Variants in WWTR1 observed in about 807,000 individuals in gnomAD.
The protein encoded by WWTR1 is WW domain-containing transcription regulator protein 1.
In WWTR1, 13 loss-of-function variants were observed where a neutral mutation model predicts 40.1. That is an observed-to-expected ratio of 0.32 (90% CI 0.21 to 0.52). The LOEUF is 0.52. Among genes scored for constraint, WWTR1 ranks in the 20% least tolerant of loss-of-function variants. The probability of loss-of-function intolerance (pLI) is 0.97; values close to 1 mark genes in which losing one functional copy is unlikely to be tolerated. For missense variants in WWTR1, 436 were observed against 523.1 expected (o/e 0.83, Z 1.63); for synonymous variants, 230 against 210.1 (o/e 1.09, Z -0.82).
chr3:149,626,688 G>A (rs567921636), intron 2 of WWTR1, among the ~76,000 whole-genome samples: 97 of 151,904 alleles, frequency 6.4e-4, no homozygotes, highest in Middle Eastern at 3.4e-3. Context: ...ATCTTCCCAC[G>A]AGGACTACAA....
chr3:149,531,048 C>T (rs1735552399), intron 4 of WWTR1, among the ~76,000 whole-genome samples: 1 of 151,774 alleles, frequency 6.6e-6, no homozygotes, highest in African/African-American at 2.4e-5. Context: ...AAGTCTTGTG[C>T]CTCAGCCTCC....
chr3:149,541,604 C>T (rs974818239), intron 4 of WWTR1, among the ~76,000 whole-genome samples: 5 of 148,318 alleles, frequency 3.4e-5, no homozygotes, highest in Admixed American at 1.4e-4. Context: ...GCTTGAATCT[C>T]GGGGGGTTCT....
chr3:149,684,603 A>C (rs1180441870), intron 1 of WWTR1, among the ~76,000 whole-genome samples: 2 of 149,356 alleles, frequency 1.3e-5, no homozygotes, highest in Non-Finnish European at 3.0e-5. Context: ...TCACTCTGTC[A>C]CCCAGGCTGG....
At chr3:149,668,116 T>A (rs1343267604) in intron 2 of WWTR1, among the ~76,000 whole-genome samples, 1 of 152,174 alleles carries the variant, frequency 6.6e-6, no homozygotes, top group Non-Finnish European at 1.5e-5. Flanking sequence ...TAATACTGGT[T>A]AATGGCTTTT....
rs1740137020 is a variant in WWTR1 at position 149,618,987 on chromosome 3, T to G, written c.431+37889A>C. 3.3e-5 allele frequency among the ~76,000 whole-genome samples: 5 copies of G among 152,332 alleles called. No individual in the cohort carries two copies. The South Asian group carries it at 1.0e-3, about 32-fold the overall frequency. ...TCAACCCAGAGATATCCAGGCTGCT[T>G]GCCAAACAAGGAAATCCAAGATAAA... On this transcript the variant is annotated intron_variant, in intron 2 of 6. Coordinates refer to ENST00000360632, the MANE Select transcript of WWTR1 (RefSeq NM_015472.6).
upstream of WWTR1, among the ~76,000 whole-genome samples, chr3:149,707,986 T>C (rs4681549): frequency 0.32 from 48,129 of 151,000 alleles, 8,463 homozygotes; most frequent in Middle Eastern, 0.52. Flanking sequence ...GTCCTCTGCC[T>C]GATTCCTTTG....
intron 2 of WWTR1, among the ~76,000 whole-genome samples, chr3:149,634,085 A>C (rs913820580): frequency 1.3e-5 from 2 of 152,158 alleles, no homozygotes; most frequent in Non-Finnish European, 2.9e-5. Flanking sequence ...ATGGAGAAAG[A>C]GGAAGGAAAG....
At chr3:149,610,255 C>G (rs1209122414) in intron 2 of WWTR1, among the ~76,000 whole-genome samples, 1 of 152,158 alleles carries the variant, frequency 6.6e-6, no homozygotes, top group Non-Finnish European at 1.5e-5. Context: ...AAATTCATAC[C>G]TGCTCAGTGT....
At chr3:149,574,527 G>T (rs187667131) in intron 2 of WWTR1, among the ~76,000 whole-genome samples, 1 of 152,062 alleles carries the variant, frequency 6.6e-6, no homozygotes, top group Non-Finnish European at 1.5e-5. Flanking sequence ...CCTCACTTTT[G>T]AATAACAATG....
intron 3 of WWTR1, among the ~76,000 whole-genome samples, chr3:149,559,699 T>C (rs1737003768): frequency 6.6e-6 from 1 of 152,230 alleles, no homozygotes; most frequent in Admixed American, 6.5e-5. Context: ...CATTGTTCTG[T>C]GGCACTGTTG....
At chr3:149,626,793 A>C (rs1740564479) in intron 2 of WWTR1, among the ~76,000 whole-genome samples, 2 of 152,174 alleles carry the variant, frequency 1.3e-5, no homozygotes, top group Admixed American at 6.5e-5. Context: ...GAATAGTATC[A>C]AAAACAAGGT....
intron 1 of WWTR1, 93 bp downstream of exon 1, chr3:149,657,672 A>G (rs1044662837): frequency 1.0e-5 from 2 of 197,508 alleles, no homozygotes; most frequent in South Asian, 1.1e-4. Context: ...GTTCAGCCCG[A>G]GCCAACTCCA....
chr3:149,620,296 C>T (rs542892166), intron 2 of WWTR1, among the ~76,000 whole-genome samples: 1 of 152,254 alleles, frequency 6.6e-6, no homozygotes, highest in East Asian at 1.9e-4. Context: ...AAACAGAGGT[C>T]ATGGACACCC....
intron 2 of WWTR1, among the ~76,000 whole-genome samples, chr3:149,597,286 C>A (rs1365382794): frequency 6.6e-6 from 1 of 151,896 alleles, no homozygotes. Context: ...ATTCTCTATG[C>A]CTTAAGGATC....
intron 3 of WWTR1, among the ~76,000 whole-genome samples, chr3:149,569,889 G>A (rs749258033): frequency 1.3e-5 from 2 of 152,076 alleles, no homozygotes; most frequent in Non-Finnish European, 2.9e-5. Context: ...TGCCCAGGCT[G>A]GCCTCAAACT....
intron 2 of WWTR1, among the ~76,000 whole-genome samples, chr3:149,654,295 G>A (rs1468412475): frequency 6.6e-6 from 1 of 152,164 alleles, no homozygotes; most frequent in Admixed American, 6.5e-5. Flanking sequence ...CAAAGTGTAT[G>A]ACATTTACCT....
At chr3:149,705,692 C>G (rs1027878772), upstream of WWTR1, among the ~76,000 whole-genome samples, 3 of 152,184 alleles carry the variant, frequency 2.0e-5, no homozygotes, top group Admixed American at 1.3e-4. Flanking sequence ...GAATAGCTAA[C>G]CTGGACAACT....
upstream of WWTR1, chr3:149,661,066 C>T (rs1713550757): frequency 6.6e-6 from 1 of 152,210 alleles, no homozygotes; most frequent in Admixed American, 6.5e-5. Context: ...CCCATCCCAT[C>T]CCCTAGGAAG....
intron 4 of WWTR1, among the ~76,000 whole-genome samples, chr3:149,538,283 A>G (rs2107929530): frequency 6.6e-6 from 1 of 152,344 alleles, no homozygotes; most frequent in Admixed American, 6.5e-5. Context: ...TCCTTAAAAA[A>G]ATGAAGAGAA....
Sources: gnomAD v4.1 joint callset for allele counts (sites outside exome capture counted in the v4.1 genomes callset) on GRCh38, gnomAD v4.1.1 for gene constraint, MANE v1.5 for transcripts, NCBI Gene and HGNC (gene_info 2026-07-23, HGNC 2026-07-21) for gene names.